The following GLIPR1 variants were observed in gnomAD, a reference collection of about 807,000 sequenced individuals.
GLIPR1 encodes the protein glioma pathogenesis-related protein 1.
A neutral mutation model predicts 30.3 loss-of-function variants in GLIPR1; 38 were observed. The observed-to-expected ratio is 1.26, with a 90% CI of 0.97 to 1.65. The LOEUF (loss-of-function observed/expected upper bound fraction) is 1.65. Ranked by LOEUF, GLIPR1 falls within the 40% of genes most tolerant of loss-of-function variation. The pLI is 0.00. For missense variants in GLIPR1, 285 were observed against 326.5 expected (o/e 0.87, Z 0.98); for synonymous variants, 122 against 110.6 (o/e 1.10, Z -0.65).
At position 75,501,710 on chromosome 12, in the gene GLIPR1, T is replaced by A; in HGVS notation, c.*2732T>A. The stretch of plus-strand genomic sequence containing the variant: ...CTAATTAATAAAGACTTTTACATCA[T>A]AGAAAGCATTACCTTCCTTAGGTTT... On this transcript the variant is annotated 3_prime_UTR_variant, in exon 6 of 6. Transcript: ENST00000266659. 1.3e-6 allele frequency: 2 copies of A among 1,538,394 alleles called. No individual in the cohort carries two copies. The highest frequency in any genetic ancestry group is 2.3e-5 in the South Asian group (2 of 87,794).
intron 3 of GLIPR1, chr12:75,491,934 G>T (rs1440029218): frequency 6.6e-6 from 1 of 152,222 alleles, no homozygotes; most frequent in South Asian, 2.1e-4. Flanking sequence ...AGACATGCTC[G>T]ATACTCTGAC....
At chr12:75,495,698 T>C (rs769755274) in intron 4 of GLIPR1, 36 bp downstream of exon 4, 2 of 1,140,008 alleles carry the variant, frequency 1.8e-6, no homozygotes, top group Admixed American at 1.8e-5. Flanking sequence ...TAGAATAACA[T>C]AATAGTAACA....
intron 2 of GLIPR1, among the ~76,000 whole-genome samples, chr12:75,486,250 G>T (rs1268318723): frequency 6.6e-6 from 1 of 152,060 alleles, no homozygotes; most frequent in Non-Finnish European, 1.5e-5. Flanking sequence ...TCAAAAATGA[G>T]TAGCGCTTAT....
intron 2 of GLIPR1, among the ~76,000 whole-genome samples, 177 bp from the exon 3 acceptor site, chr12:75,490,228 CA>C (rs2046313903): frequency 4.0e-5 from 6 of 149,550 alleles, no homozygotes; most frequent in South Asian, 2.1e-4. Flanking sequence ...CACACACACA[CA>C]CACACCCCAA....
At chr12:75,490,231 A>ACACC (rs1371051691) in intron 2 of GLIPR1, among the ~76,000 whole-genome samples, 175 bp from the exon 3 acceptor site, 2 of 147,474 alleles carry the variant, frequency 1.4e-5, no homozygotes, top group Admixed American at 6.8e-5. Context: ...ACACACACAC[A>ACACC]CACCCCAATA....
intron 3 of GLIPR1, chr12:75,492,926 A>G (rs1053628199): frequency 2.6e-5 from 4 of 152,224 alleles, no homozygotes; most frequent in Non-Finnish European, 5.9e-5. Context: ...ATAATCAGGG[A>G]AGGGCTTCTT....
rs760118692 is a variant in GLIPR1, at chr12:75,498,809, A to ATGTT, written c.647-9_647-6dup. The stretch of plus-strand genomic sequence containing the variant: ...GGAACAATGTCTAAGAGGATATTCT[A>ATGTT]TGTTTGTTTCACAGGTTACTACTCT... On this transcript the variant is annotated splice_polypyrimidine_tract_variant and intron_variant, in intron 5 of 5. Transcript: ENST00000266659. The ATGTT allele has an allele frequency of 6.2e-7, 1 of 1,612,202 alleles. No homozygotes were observed. The highest frequency in any genetic ancestry group is 8.5e-7 in the Non-Finnish European group (1 of 1,178,608).
At chr12:75,492,147 G>T (rs1230876180) in intron 3 of GLIPR1, 2 of 149,576 alleles carry the variant, frequency 1.3e-5, no homozygotes, top group African/African-American at 5.0e-5. Flanking sequence ...GGAGTACAGT[G>T]GCTCGCTTAC....
chr12:75,485,528 C>CT (rs1198836262), intron 2 of GLIPR1, among the ~76,000 whole-genome samples: 61 of 99,330 alleles, frequency 6.1e-4, no homozygotes, highest in African/African-American at 2.0e-3. Flanking sequence ...CTCTTGACAG[C>CT]TTTATTTTAT....
Position 75,498,685 on chromosome 12 carries a change from A to G in GLIPR1, c.620-9A>G, listed in dbSNP as rs780397471. ...TAATTTTTTTTCTTTCTTCCCCCTA[A>G]CTTTACAGTTAACCGACAGCGAGAC... On this transcript the variant is annotated splice_polypyrimidine_tract_variant and intron_variant, in intron 4 of 5. Transcript: ENST00000266659. 1 of 1,610,960 alleles carries G rather than the reference A, an allele frequency of 6.2e-7. No individual in the cohort carries two copies. The highest frequency in any genetic ancestry group is 2.2e-5 in the East Asian group (1 of 44,826).
intron 3 of GLIPR1, chr12:75,494,660 G>T (rs1431516796): frequency 6.6e-6 from 1 of 152,080 alleles, no homozygotes; most frequent in Non-Finnish European, 1.5e-5. Context: ...CTGCCAAAGG[G>T]TACGATTACA....
intron 3 of GLIPR1, chr12:75,492,720 T>C (rs1301370146): frequency 1.3e-5 from 2 of 152,204 alleles, no homozygotes; most frequent in East Asian, 1.9e-4. Flanking sequence ...ACTTCAAATA[T>C]TCATTTATTC....
chr12:75,489,276 G>A lies in GLIPR1; in HGVS notation c.421-1130G>A, dbSNP rs146725895. ...GTGCTGGATCCCATGTAACAGCGCA[G>A]GTCTCTCTGTTCTTGGTTTCCCTCC... On this transcript the variant is annotated intron_variant, in intron 2 of 5. Coordinates refer to ENST00000266659, the MANE Select transcript of GLIPR1 (RefSeq NM_006851.3). Among the ~76,000 whole-genome samples the A allele has an allele frequency of 4.3e-3, 651 of 152,258 alleles. 5 individuals carry two copies. Among genetic ancestry groups the A allele is most frequent in the African/African-American group, 0.014 (595 of 41,542 alleles).
Position 75,501,825 on chromosome 12 carries a change from A to G in GLIPR1, c.*2847A>G, listed in dbSNP as rs763628443. The G allele has an allele frequency of 3.1e-6, 5 of 1,589,058 alleles. No homozygotes were observed. Among genetic ancestry groups the G allele is most frequent in the African/African-American group, 2.7e-5 (2 of 73,906 alleles). On this transcript the variant is annotated 3_prime_UTR_variant, in exon 6 of 6. Coordinates refer to ENST00000266659, the MANE Select transcript of GLIPR1 (RefSeq NM_006851.3). ...GCTTCTGCTTGTTTAGCCTACATTA[A>G]TAAATAAAAAATATATCAGTTAAAT...
At chr12:75,482,227 A>C (rs939483182) in intron 2 of GLIPR1, 148 bp downstream of exon 2, 5 of 729,602 alleles carry the variant, frequency 6.9e-6, no homozygotes, top group Admixed American at 2.8e-5. Flanking sequence ...ACAGAAAATA[A>C]TGCTTGAAAA....
In GLIPR1 at chr12:75,495,619, C is replaced by CA. The variant is rs1248394980; in HGVS notation, c.577dup (p.Ser193LysfsTer6). 6.2e-7 allele frequency: 1 copy of CA among 1,611,190 alleles called. No homozygotes were observed. The highest frequency in any genetic ancestry group is 1.7e-5 in the Admixed American group (1 of 59,992). ...GGCCATATAAGAGAGGAGCCACCTGCAGTGCCTGCCCCAATAATGACAAGT... is the reference window on the plus strand; with the variant it reads ...GGCCATATAAGAGAGGAGCCACCTGCAAGTGCCTGCCCCAATAATGACAAGT... On this transcript the variant is annotated frameshift_variant, in exon 4 of 6. Transcript: ENST00000266659. LOFTEE classifies it high-confidence loss of function.
intron 1 of GLIPR1, chr12:75,481,479 G>T (rs2046270812): frequency 3.9e-6 from 1 of 258,092 alleles, no homozygotes; most frequent in Non-Finnish European, 7.5e-6. Context: ...GTAAGGCTTG[G>T]GATTGAATTT....
chr12:75,499,238 C>A lies in GLIPR1; in HGVS notation c.*260C>A, dbSNP rs1044509466. ...ACCCATGTTTCAGCTTCTAAATCTG[C>A]AAAATGAGCAAGGTACAGTAGCACA... On this transcript the variant is annotated 3_prime_UTR_variant, in exon 6 of 6. Transcript: ENST00000266659. The A allele has an allele frequency of 6.9e-6, 2 of 287,898 alleles. No homozygotes were observed. Among genetic ancestry groups the A allele is most frequent in the Admixed American group, 5.1e-5 (1 of 19,470 alleles). The allele number at this position is 287,898 out of a possible 1,614,324, so 17.8% of individuals were successfully genotyped here.
chr12:75,495,665 G>A lies in GLIPR1; in HGVS notation c.619+3G>A. ...CAAGTGTTTGGACAATCTCTGTGGT[G>A]AGTAAAAGGAACAATACACCAATAG... is the stretch of plus-strand genomic sequence containing the variant. On this transcript the variant is annotated splice_donor_region_variant and intron_variant, in intron 4 of 5. Transcript: ENST00000266659. 6.4e-7 allele frequency: 1 copy of A among 1,552,936 alleles called. No individual in the cohort carries two copies. The highest frequency in any genetic ancestry group is 8.9e-7 in the Non-Finnish European group (1 of 1,124,956).
Sources: allele counts gnomAD v4.1 joint callset (sites outside exome capture counted in the v4.1 genomes callset), GRCh38; gene constraint gnomAD v4.1.1; transcripts MANE v1.5; gene names NCBI Gene and HGNC (gene_info 2026-07-23, HGNC 2026-07-21).